Variants in CAMTA1 observed in about 807,000 individuals in gnomAD.
CAMTA1 encodes calmodulin binding transcription activator 1.
In CAMTA1, 27 loss-of-function variants were observed where a neutral mutation model predicts 170.9. That is an observed-to-expected ratio of 0.16 (90% CI 0.12 to 0.22). CAMTA1 has a LOEUF of 0.22. Ranked by LOEUF, CAMTA1 falls within the 10% of genes least tolerant of loss-of-function variation. CAMTA1 has a pLI of 1.00. For missense variants in CAMTA1, 1,619 were observed against 2,217.2 expected, an observed-to-expected ratio of 0.73 and a Z score of 5.42; for synonymous variants, 833 against 891.5, an observed-to-expected ratio of 0.93 and a Z score of 1.17.
chr1:7,062,247 T>G (rs937870531), intron 3 of CAMTA1, among the ~76,000 whole-genome samples: 1 of 152,162 alleles, frequency 6.6e-6, no homozygotes, highest in Non-Finnish European at 1.5e-5. Context: ...GTATATATAT[T>G]GATTTATATT....
At chr1:7,513,170 A>G (rs1271734776) in intron 6 of CAMTA1, among the ~76,000 whole-genome samples, 1 of 152,112 alleles carries the variant, frequency 6.6e-6, no homozygotes, top group East Asian at 1.9e-4. Flanking sequence ...CCTCCAGGGT[A>G]GAGCTGTGGG....
intron 1 of CAMTA1, among the ~76,000 whole-genome samples, chr1:6,811,833 A>G (rs568107690): frequency 3.3e-5 from 5 of 152,250 alleles, no homozygotes; most frequent in Admixed American, 1.3e-4. Context: ...TGTGGCTGCC[A>G]TTTTCTTGGC....
chr1:7,094,102 T>C (rs1319256739), intron 4 of CAMTA1, among the ~76,000 whole-genome samples: 14 of 152,210 alleles, frequency 9.2e-5, no homozygotes, highest in Admixed American at 9.2e-4. Flanking sequence ...CGAATTTCTT[T>C]CCTAAAGGCA....
At chr1:7,285,945 T>C (rs901664878) in intron 5 of CAMTA1, among the ~76,000 whole-genome samples, 2 of 152,230 alleles carry the variant, frequency 1.3e-5, no homozygotes, top group Non-Finnish European at 1.5e-5. Flanking sequence ...AGGCCACATG[T>C]GTCCTCTTTT....
At chr1:7,742,806 C>T (rs562953613) in intron 16 of CAMTA1, among the ~76,000 whole-genome samples, 69 of 152,258 alleles carry the variant, frequency 4.5e-4, no homozygotes, top group Non-Finnish European at 8.2e-4. Context: ...CAAATCAAGA[C>T]GGCCAATAGA....
intron 1 of CAMTA1, among the ~76,000 whole-genome samples, chr1:6,787,128 T>C (rs1265980615): frequency 6.6e-6 from 1 of 152,276 alleles, no homozygotes; most frequent in Non-Finnish European, 1.5e-5. Context: ...CTGTGGCTTC[T>C]GCTTCGCAGT....
chr1:7,546,593 T>C (rs2094696311), intron 6 of CAMTA1, among the ~76,000 whole-genome samples: 1 of 152,192 alleles, frequency 6.6e-6, no homozygotes, highest in African/African-American at 2.4e-5. Context: ...TCTTCCAAAA[T>C]AGCCGAACTA....
chr1:7,103,634 C>CT (rs1643103079), intron 4 of CAMTA1, among the ~76,000 whole-genome samples: 1 of 149,072 alleles, frequency 6.7e-6, no homozygotes, highest in Non-Finnish European at 1.5e-5. Context: ...CACAACTACA[C>CT]ACACGCACAC....
intron 4 of CAMTA1, among the ~76,000 whole-genome samples, chr1:7,196,407 G>C (rs1655544159): frequency 6.6e-6 from 1 of 152,184 alleles, no homozygotes; most frequent in African/African-American, 2.4e-5. Flanking sequence ...TATGTGTGAA[G>C]AAAACATACA....
intron 9 of CAMTA1, among the ~76,000 whole-genome samples, chr1:7,670,667 CG>C (rs1209651404): frequency 5.3e-5 from 8 of 152,290 alleles, no homozygotes; most frequent in African/African-American, 1.9e-4. Context: ...TTGGAGCTGC[CG>C]GTCCTGGGGC....
intron 3 of CAMTA1, among the ~76,000 whole-genome samples, chr1:6,981,074 G>C (rs1694359801): frequency 6.6e-6 from 1 of 151,280 alleles, no homozygotes; most frequent in Non-Finnish European, 1.5e-5. Flanking sequence ...GTGGCTCTGA[G>C]AACAGCCCCC....
chr1:6,949,484 A>G (rs1032952778), intron 3 of CAMTA1, among the ~76,000 whole-genome samples: 1 of 152,150 alleles, frequency 6.6e-6, no homozygotes, highest in Non-Finnish European at 1.5e-5. Flanking sequence ...CCACTCCAAG[A>G]GCCAATATTT....
At chr1:6,941,730 C>G (rs1036669747) in intron 3 of CAMTA1, among the ~76,000 whole-genome samples, 2 of 152,238 alleles carry the variant, frequency 1.3e-5, no homozygotes, top group African/African-American at 4.8e-5. Flanking sequence ...CACTTCTGGG[C>G]AGTCCTGCAG....
intron 3 of CAMTA1, among the ~76,000 whole-genome samples, chr1:7,077,917 T>G (rs1254987376): frequency 6.6e-6 from 1 of 152,112 alleles, no homozygotes; most frequent in African/African-American, 2.4e-5. Flanking sequence ...TGGTTAATGT[T>G]CTAAAGCAGA....
chr1:7,310,078 A>G (rs1301534696), intron 5 of CAMTA1, among the ~76,000 whole-genome samples: 1 of 152,136 alleles, frequency 6.6e-6, no homozygotes, highest in African/African-American at 2.4e-5. Flanking sequence ...TCTTTTAGAA[A>G]TTTCTTAGAG....
At chr1:7,107,269 T>TCTGTGTGC (rs1643683897) in intron 4 of CAMTA1, among the ~76,000 whole-genome samples, 2 of 36,082 alleles carry the variant, frequency 5.5e-5, no homozygotes, top group East Asian at 9.8e-4. Context: ...CATGTGTATG[T>TCTGTGTGC]GTGTGTGCAT....
At chr1:7,167,443 G>A (rs534624444) in intron 4 of CAMTA1, among the ~76,000 whole-genome samples, 37 of 152,168 alleles carry the variant, frequency 2.4e-4, no homozygotes, top group African/African-American at 8.7e-4. Flanking sequence ...CACTGTAGTC[G>A]TCAGTTTGTC....
At chr1:7,564,383 G>A (rs1258312077) in intron 6 of CAMTA1, among the ~76,000 whole-genome samples, 1 of 152,254 alleles carries the variant, frequency 6.6e-6, no homozygotes, top group Non-Finnish European at 1.5e-5. Flanking sequence ...AGCGGTTATA[G>A]TGAACCCTGA....
rs79284898 is a variant in CAMTA1 at position 7,441,040 on chromosome 1, A to G, written c.439-26790A>G. On this transcript the variant is annotated intron_variant, in intron 5 of 22. Coordinates refer to ENST00000303635, the MANE Select transcript of CAMTA1 (RefSeq NM_015215.4). ...ACGTCACCCACATCTCCTTTTGGAC[A>G]TCACAAAACTCCTGAGGTGCCCAGC... is the stretch of plus-strand genomic sequence containing the variant. The G allele has an allele frequency of 6.6e-5, 10 of 152,294 alleles. No homozygotes were observed. The East Asian group carries it at 1.9e-3, about 29-fold the overall frequency. 9.4% of individuals were successfully genotyped at this position (152,294 alleles called of 1,614,324 possible).
Sources: allele counts gnomAD v4.1 joint callset (sites outside exome capture counted in the v4.1 genomes callset), GRCh38; gene constraint gnomAD v4.1.1; transcripts MANE v1.5; gene names NCBI Gene and HGNC (gene_info 2026-07-23, HGNC 2026-07-21).